TMPRSS11E: variants seen among roughly 807,000 people sequenced by gnomAD.
The protein encoded by TMPRSS11E is transmembrane protease serine 11E.
TMPRSS11E carries 38 observed loss-of-function variants against 48.1 expected under a neutral mutation model. That is an observed-to-expected ratio of 0.79 (90% CI 0.61 to 1.04). The LOEUF is 1.04. Ranked by LOEUF, TMPRSS11E falls within the 50% of genes least tolerant of loss-of-function variation. The pLI, the probability that TMPRSS11E is intolerant of heterozygous loss-of-function variation, is 0.00. For missense variants in TMPRSS11E, 530 were observed against 510.8 expected, an observed-to-expected ratio of 1.04 and a Z score of -0.36; for synonymous variants, 158 against 171.9, an observed-to-expected ratio of 0.92 and a Z score of 0.63.
intron 8 of TMPRSS11E, among the ~76,000 whole-genome samples, chr4:68,478,408 T>C (rs911359728): frequency 6.7e-6 from 1 of 149,724 alleles, no homozygotes; most frequent in South Asian, 2.1e-4. Flanking sequence ...CCTCCGAAAG[T>C]GCTGGGATTA....
chr4:68,471,529 A>C lies in TMPRSS11E; in HGVS notation c.396A>C (p.Glu132Asp). The change falls in exon 5 of 10, where the codon GAA becomes GAC. Residue 132 changes from glutamate (E) to aspartate (D), a missense_variant. Transcript: ENST00000305363. ...GATTTCACTCTACTGAGGATCCTGA[A>C]ACTGTAGATAAAATTGTTCAACTTG... ...ICRFHSTEDP[E>D]TVDKIVQLVL... The C allele has an allele frequency of 6.2e-7, 1 of 1,611,038 alleles. No individual in the cohort carries two copies.
At chr4:68,464,338 G>T (rs1312537067) in intron 2 of TMPRSS11E, among the ~76,000 whole-genome samples, 1 of 152,090 alleles carries the variant, frequency 6.6e-6, no homozygotes, top group Non-Finnish European at 1.5e-5. Flanking sequence ...ATTTCATAAA[G>T]CCCAGGACAA....
intron 9 of TMPRSS11E, among the ~76,000 whole-genome samples, chr4:68,492,190 T>C (rs1174134388): frequency 6.6e-6 from 1 of 152,228 alleles, no homozygotes; most frequent in East Asian, 1.9e-4. Context: ...TCTCCTGAAA[T>C]GAATTCAACT....
chr4:68,469,989 C>T (rs1023946371), intron 4 of TMPRSS11E, among the ~76,000 whole-genome samples: 1 of 151,908 alleles, frequency 6.6e-6, no homozygotes, highest in Non-Finnish European at 1.5e-5. Flanking sequence ...CTTGCTACTG[C>T]TACTCATTAT....
intron 7 of TMPRSS11E, 45 bp from the exon 8 acceptor site, chr4:68,477,324 G>A (rs561480592): frequency 3.3e-5 from 51 of 1,545,526 alleles, no homozygotes; most frequent in Middle Eastern, 1.8e-4. Flanking sequence ...TATTCGACTG[G>A]TAGCATGGTA....
chr4:68,472,870 A>G (rs924648518), intron 5 of TMPRSS11E, among the ~76,000 whole-genome samples: 1 of 152,008 alleles, frequency 6.6e-6, no homozygotes, highest in Non-Finnish European at 1.5e-5. Flanking sequence ...TCATTTGCTG[A>G]TTATTGTCAT....
intron 4 of TMPRSS11E, among the ~76,000 whole-genome samples, chr4:68,470,413 A>G (rs922639806): frequency 2.0e-5 from 3 of 151,836 alleles, no homozygotes; most frequent in Non-Finnish European, 4.4e-5. Context: ...TGAGTAATAT[A>G]AATATTGAAA....
intron 9 of TMPRSS11E, among the ~76,000 whole-genome samples, chr4:68,496,289 G>T (rs1729862489): frequency 6.6e-6 from 1 of 151,754 alleles, no homozygotes; most frequent in Admixed American, 6.6e-5. Context: ...TTTTTTGGGG[G>T]GTTATGTTAC....
intron 9 of TMPRSS11E, among the ~76,000 whole-genome samples, chr4:68,486,437 T>C (rs1342922303): frequency 6.6e-6 from 1 of 152,232 alleles, no homozygotes; most frequent in Non-Finnish European, 1.5e-5. Flanking sequence ...AATTTCCATG[T>C]AATTGTATAA....
intron 1 of TMPRSS11E, among the ~76,000 whole-genome samples, chr4:68,449,835 G>C (rs1321168592): frequency 1.3e-5 from 2 of 151,792 alleles, no homozygotes; most frequent in African/African-American, 2.4e-5. Context: ...CATCTGAATG[G>C]GAGGTGCTCT....
intron 1 of TMPRSS11E, among the ~76,000 whole-genome samples, chr4:68,452,665 A>T (rs1490945154): frequency 6.6e-6 from 1 of 151,986 alleles, no homozygotes; most frequent in African/African-American, 2.4e-5. Context: ...TGAAGCACAG[A>T]TAACTTACCT....
chr4:68,488,896 T>C (rs1305433915), intron 9 of TMPRSS11E, among the ~76,000 whole-genome samples: 1 of 152,224 alleles, frequency 6.6e-6, no homozygotes, highest in African/African-American at 2.4e-5. Flanking sequence ...ATTTTATTGA[T>C]GCCATAAGTT....
chr4:68,486,019 A>G (rs1729542090), intron 9 of TMPRSS11E, among the ~76,000 whole-genome samples: 1 of 152,042 alleles, frequency 6.6e-6, no homozygotes, highest in Non-Finnish European at 1.5e-5. Flanking sequence ...CTTATTTGAA[A>G]GTTCTTTCTT....
intron 8 of TMPRSS11E, among the ~76,000 whole-genome samples, 195 bp from the exon 9 acceptor site, chr4:68,478,654 C>T (rs1206980345): frequency 1.3e-5 from 2 of 151,626 alleles, no homozygotes; most frequent in Non-Finnish European, 2.9e-5. Context: ...AGGATTTCAC[C>T]ATGTTGGCCA....
intron 7 of TMPRSS11E, among the ~76,000 whole-genome samples, chr4:68,476,668 G>A (rs1384653879): frequency 2.6e-5 from 4 of 152,186 alleles, no homozygotes; most frequent in Admixed American, 1.3e-4. Flanking sequence ...ACACACAATA[G>A]TTTCTCAAAG....
chr4:68,493,690 A>T (rs989170055), intron 9 of TMPRSS11E, among the ~76,000 whole-genome samples: 1 of 151,942 alleles, frequency 6.6e-6, no homozygotes, highest in African/African-American at 2.4e-5. Flanking sequence ...ATTCCTTCCT[A>T]GCTTCCAGGC....
rs149540956 is a variant in TMPRSS11E at position 68,488,346 on chromosome 4, T to A, written c.1111-8297T>A. ...ATAATTCCATATTTCTTGGAGATTTTGTTCATTAAAGAATATCTTTTTCTT... is the reference window on the plus strand; with the variant it reads ...ATAATTCCATATTTCTTGGAGATTTAGTTCATTAAAGAATATCTTTTTCTT... On this transcript the variant is annotated intron_variant, in intron 9 of 9. Transcript: ENST00000305363. Among the ~76,000 whole-genome samples, 10 of 152,322 alleles carry A rather than the reference T, an allele frequency of 6.6e-5. No individual in the cohort carries two copies. The East Asian group carries it at 1.9e-3, about 29-fold the overall frequency.
chr4:68,477,586 G>C lies in TMPRSS11E; in HGVS notation c.925G>C (p.Asp309His). 1 of 1,614,060 alleles carries C rather than the reference G, an allele frequency of 6.2e-7. No homozygotes were observed. The highest frequency in any genetic ancestry group is 8.5e-7 in the Non-Finnish European group (1 of 1,179,954). Residue 309 changes from aspartate (D) to histidine (H), a missense_variant, in exon 8 of 10, where the codon GAT becomes CAT. By Grantham distance (81) the Asp-to-His change is moderately conservative. Transcript: ENST00000305363. ...TGCATCCTATGAGTTTCAACCAGGT[G>C]ATGTGATGTTTGTGACAGGATTTGG... is the stretch of plus-strand genomic sequence containing the variant. ...PDASYEFQPGDVMFVTGFGAL... is the reference protein window; with the variant it reads ...PDASYEFQPGHVMFVTGFGAL...
chr4:68,449,453 T>TA (rs1389326014), intron 1 of TMPRSS11E, among the ~76,000 whole-genome samples: 2 of 151,454 alleles, frequency 1.3e-5, no homozygotes, highest in Non-Finnish European at 3.0e-5. Context: ...CATCCACACA[T>TA]ATTGAGATGG....
Sources: gnomAD v4.1 joint callset for allele counts (sites outside exome capture counted in the v4.1 genomes callset) on GRCh38, gnomAD v4.1.1 for gene constraint, MANE v1.5 for transcripts, NCBI Gene and HGNC (gene_info 2026-07-23, HGNC 2026-07-21) for gene names.